PDS5A: variants seen among roughly 807,000 people sequenced by gnomAD.
PDS5A encodes the protein PDS5 cohesin associated factor A, also known as sister chromatid cohesion protein PDS5 homolog A.
In PDS5A, 42 loss-of-function variants were observed where a neutral mutation model predicts 167.1. That is an observed-to-expected ratio of 0.25 (90% CI 0.20 to 0.33). PDS5A has a LOEUF of 0.33. Ranked by LOEUF, PDS5A falls within the 10% of genes least tolerant of loss-of-function variation. The pLI is 1.00. For synonymous variants in PDS5A, 553 were observed against 554.6 expected (o/e 1.00, Z 0.04); for missense variants, 1,033 against 1,605.9 (o/e 0.64, Z 6.10).
At chr4:39,917,225 G>A in intron 7 of PDS5A, 37 bp from the exon 8 acceptor site, 1 of 1,399,890 alleles carries the variant, frequency 7.1e-7, no homozygotes, top group South Asian at 1.4e-5. Flanking sequence ...AAAACATCCA[G>A]TTCATTTAAA....
intron 29 of PDS5A, among the ~76,000 whole-genome samples, chr4:39,845,554 C>G (rs1334635059): frequency 6.6e-6 from 1 of 152,092 alleles, no homozygotes; most frequent in Non-Finnish European, 1.5e-5. Flanking sequence ...GTTGGTTATA[C>G]CATTTCCCAG....
intron 17 of PDS5A, among the ~76,000 whole-genome samples, chr4:39,881,341 G>T (rs1417961919): frequency 1.3e-5 from 2 of 150,366 alleles, no homozygotes; most frequent in African/African-American, 4.9e-5. Context: ...TATGGTAGTT[G>T]TATTTTTTAG....
chr4:39,957,030 G>A (rs2109799030), intron 2 of PDS5A, among the ~76,000 whole-genome samples: 1 of 152,210 alleles, frequency 6.6e-6, no homozygotes, highest in African/African-American at 2.4e-5. Context: ...TATCTACACT[G>A]ACTCAATCTT....
chr4:39,902,481 A>T, intron 12 of PDS5A, 21 bp from the exon 13 acceptor site: 1 of 1,230,786 alleles, frequency 8.1e-7, no homozygotes, highest in Non-Finnish European at 1.2e-6. Context: ...ACAACAACAA[A>T]AAAAACCTAA....
chr4:39,847,536 G>A (rs1717717156), intron 28 of PDS5A: 2 of 151,950 alleles, frequency 1.3e-5, no homozygotes, highest in African/African-American at 4.8e-5. Context: ...CCAGGGAGTT[G>A]GAGGCTGCAG....
intron 2 of PDS5A, among the ~76,000 whole-genome samples, chr4:39,963,932 G>A (rs1413473090): frequency 6.6e-6 from 1 of 151,974 alleles, no homozygotes; most frequent in Non-Finnish European, 1.5e-5. Flanking sequence ...CCCCCAGACC[G>A]ACTCTCGCTC....
rs544788716 is a variant in PDS5A at position 39,894,252 on chromosome 4, A to G, written c.1771-3888T>C. Reference sequence around the variant, plus strand: ...GTGAAATCTCATCTCTACTAAAAATACAAAAATTAGTCAGGCATGATGGCG... The same window carrying G: ...GTGAAATCTCATCTCTACTAAAAATGCAAAAATTAGTCAGGCATGATGGCG... On this transcript the variant is annotated intron_variant, in intron 16 of 32. Coordinates refer to ENST00000303538, the MANE Select transcript of PDS5A (RefSeq NM_001100399.2). Among the ~76,000 whole-genome samples the G allele has an allele frequency of 1.4e-4, 22 of 152,194 alleles. No homozygotes were observed. The South Asian group carries it at 3.9e-3, about 27-fold the overall frequency.
intron 2 of PDS5A, among the ~76,000 whole-genome samples, chr4:39,974,692 C>CCT (rs1730907129): frequency 6.6e-6 from 1 of 152,018 alleles, no homozygotes; most frequent in South Asian, 2.1e-4. Flanking sequence ...TACAGGTATG[C>CCT]GCCACCACGC....
chr4:39,950,256 G>A (rs75690116), intron 2 of PDS5A, among the ~76,000 whole-genome samples: 19,080 of 151,972 alleles, frequency 0.13, 1,369 homozygotes, highest in African/African-American at 0.21. Context: ...TCTCAACAAA[G>A]CTGTTTTTAA....
Position 39,825,341 on chromosome 4 carries a change from A to T in PDS5A, c.*144T>A. 1.8e-6 allele frequency: 1 copy of T among 559,040 alleles called. No homozygotes were observed. Among genetic ancestry groups the T allele is most frequent in the Non-Finnish European group, 3.1e-6 (1 of 319,070 alleles). The allele number at this position is 559,040 out of a possible 1,614,324, so 34.6% of individuals were successfully genotyped here. A position where few individuals can be genotyped will look rare whatever the true frequency, so the allele number is the denominator to read the frequency against. ...TGTGGTCATGTGAAAAGGAAGTAAT[A>T]GTCTCTTTAGTTTTCAAGGCAGAGA... On this transcript the variant is annotated 3_prime_UTR_variant, in exon 33 of 33. Coordinates refer to ENST00000303538, the MANE Select transcript of PDS5A (RefSeq NM_001100399.2).
intron 2 of PDS5A, among the ~76,000 whole-genome samples, chr4:39,928,394 C>T (rs538081426): frequency 2.0e-4 from 30 of 152,268 alleles, no homozygotes; most frequent in African/African-American, 6.5e-4. Context: ...GGCACATTGT[C>T]TGCACTAGTA....
intron 19 of PDS5A, among the ~76,000 whole-genome samples, chr4:39,875,861 GTAT>G (rs555325441): frequency 1.1e-4 from 17 of 151,986 alleles, no homozygotes; most frequent in Admixed American, 7.9e-4. Flanking sequence ...GTTGTTAAAT[GTAT>G]TATTATTATT....
intron 2 of PDS5A, among the ~76,000 whole-genome samples, chr4:39,945,914 A>G (rs1327131036): frequency 6.6e-6 from 1 of 152,186 alleles, no homozygotes; most frequent in Non-Finnish European, 1.5e-5. Flanking sequence ...GAAAGAAAAA[A>G]AAGCAGGACA....
At chr4:39,895,037 C>T (rs999690026) in intron 16 of PDS5A, among the ~76,000 whole-genome samples, 7 of 151,808 alleles carry the variant, frequency 4.6e-5, no homozygotes, top group African/African-American at 1.7e-4. Context: ...ATCATCCTGG[C>T]TAACATGGTG....
chr4:39,849,410 T>G, intron 27 of PDS5A, 110 bp downstream of exon 27: 4 of 699,662 alleles, frequency 5.7e-6, no homozygotes, highest in Non-Finnish European at 7.2e-6. Context: ...TTTGTAAACA[T>G]TCTAAAATTT....
At chr4:39,854,281 C>A (rs781422738) in intron 26 of PDS5A, among the ~76,000 whole-genome samples, 2 of 151,882 alleles carry the variant, frequency 1.3e-5, no homozygotes, top group Admixed American at 6.6e-5. Flanking sequence ...CCAACTTGGG[C>A]GACAGAACGA....
At chr4:39,892,754 T>C (rs1227813420) in intron 16 of PDS5A, among the ~76,000 whole-genome samples, 3 of 152,206 alleles carry the variant, frequency 2.0e-5, no homozygotes, top group Non-Finnish European at 4.4e-5. Context: ...GGTAACTAGG[T>C]AGAGGAGGGT....
chr4:39,912,186 A>G (rs1462160443), intron 9 of PDS5A, among the ~76,000 whole-genome samples: 1 of 152,224 alleles, frequency 6.6e-6, no homozygotes, highest in Non-Finnish European at 1.5e-5. Flanking sequence ...TAACGCTATA[A>G]TTATGGAAAA....
chr4:39,925,763 A>G, intron 5 of PDS5A, 73 bp downstream of exon 5: 1 of 490,682 alleles, frequency 2.0e-6, no homozygotes, highest in South Asian at 4.5e-5. Context: ...CTTAGTGTAC[A>G]TGTAGAGTAT....
Sources: gnomAD v4.1 joint callset for allele counts (sites outside exome capture counted in the v4.1 genomes callset) on GRCh38, gnomAD v4.1.1 for gene constraint, MANE v1.5 for transcripts, NCBI Gene and HGNC (gene_info 2026-07-23, HGNC 2026-07-21) for gene names.